BCKDHB: variants seen among roughly 807,000 people sequenced by gnomAD.
BCKDHB encodes the protein branched chain keto acid dehydrogenase E1 subunit beta.
BCKDHB carries 41 observed loss-of-function variants against 48.5 expected under a neutral mutation model. The ratio of observed to expected loss-of-function variants is 0.85; its 90% CI spans 0.66 to 1.10. The LOEUF (loss-of-function observed/expected upper bound fraction) is 1.10. BCKDHB is among the 50% of genes least tolerant of loss of function. The pLI is 0.00. For synonymous variants in BCKDHB, 201 were observed against 174.8 expected (o/e 1.15, Z -1.18); for missense variants, 496 against 494.2 (o/e 1.00, Z -0.03).
intron 9 of BCKDHB, among the ~76,000 whole-genome samples, chr6:80,276,225 T>C (rs1201272969): frequency 6.6e-6 from 1 of 151,994 alleles, no homozygotes; most frequent in Non-Finnish European, 1.5e-5. Flanking sequence ...TTTTAAAAGC[T>C]CATGGTTAAT....
At chr6:80,207,956 A>G (rs1306427707) in intron 8 of BCKDHB, among the ~76,000 whole-genome samples, 2 of 151,850 alleles carry the variant, frequency 1.3e-5, no homozygotes, top group Non-Finnish European at 3.0e-5. Context: ...TTGCTTAATC[A>G]AGCAGACAAA....
chr6:80,396,854 C>T, the BCKDHB span, among the ~76,000 whole-genome samples: 5,156 of 152,260 alleles, frequency 0.034, 151 homozygotes, highest in Middle Eastern at 0.061. Flanking sequence ...ATCAATTAAA[C>T]CTCTTTTCAT....
chr6:80,453,882 T>C, the BCKDHB span, among the ~76,000 whole-genome samples: 1 of 152,176 alleles, frequency 6.6e-6, no homozygotes, highest in Non-Finnish European at 1.5e-5. Flanking sequence ...TCCATTTTCA[T>C]TCTCTTCTTC....
intron 8 of BCKDHB, among the ~76,000 whole-genome samples, chr6:80,230,791 G>C (rs1775894895): frequency 6.6e-6 from 1 of 152,082 alleles, no homozygotes; most frequent in African/African-American, 2.4e-5. Flanking sequence ...AGAAGGAAGG[G>C]GGCCAAATTC....
At chr6:80,119,320 C>CT (rs932758904) in intron 1 of BCKDHB, among the ~76,000 whole-genome samples, 2 of 151,930 alleles carry the variant, frequency 1.3e-5, no homozygotes, top group Non-Finnish European at 2.9e-5. Flanking sequence ...ATGTTGACTT[C>CT]TTTTTTACTG....
chr6:80,172,676 G>A (rs189851074), intron 6 of BCKDHB, among the ~76,000 whole-genome samples: 75 of 152,052 alleles, frequency 4.9e-4, no homozygotes, highest in Admixed American at 1.3e-3. Context: ...TTAATAAGTA[G>A]CATTTCATTG....
the BCKDHB span, among the ~76,000 whole-genome samples, chr6:80,365,760 A>G: frequency 1.3e-4 from 20 of 151,324 alleles, no homozygotes; most frequent in African/African-American, 4.6e-4. Flanking sequence ...GATTAAAGTA[A>G]AGAGAGACGT....
At chr6:80,355,597 T>G in the BCKDHB span, 1 of 152,078 alleles carries the variant, frequency 6.6e-6, no homozygotes, top group Non-Finnish European at 1.5e-5. Context: ...TTTCCTAGTC[T>G]TCCCTAACCC....
At chr6:80,286,072 G>A (rs900653121) in intron 9 of BCKDHB, among the ~76,000 whole-genome samples, 2 of 151,996 alleles carry the variant, frequency 1.3e-5, no homozygotes, top group African/African-American at 4.8e-5. Context: ...AATTAAATGA[G>A]GTGTGATATA....
the BCKDHB span, chr6:80,454,304 C>G: frequency 6.6e-6 from 1 of 152,204 alleles, no homozygotes; most frequent in Non-Finnish European, 1.5e-5. Flanking sequence ...GAGAGCAAAA[C>G]TTCACAATCA....
At chr6:80,203,502 T>C (rs1381515563) in intron 8 of BCKDHB, among the ~76,000 whole-genome samples, 1 of 152,120 alleles carries the variant, frequency 6.6e-6, no homozygotes, top group African/African-American at 2.4e-5. Context: ...ATAGAGCATA[T>C]CAAGGATGCC....
chr6:80,237,853 C>T (rs894662109), intron 8 of BCKDHB, among the ~76,000 whole-genome samples: 2 of 151,940 alleles, frequency 1.3e-5, no homozygotes, highest in African/African-American at 4.8e-5. Context: ...AAGGTTCAGG[C>T]CATCCCTATC....
At chr6:80,290,227 G>T (rs1039651464) in intron 9 of BCKDHB, among the ~76,000 whole-genome samples, 1 of 152,192 alleles carries the variant, frequency 6.6e-6, no homozygotes, top group Non-Finnish European at 1.5e-5. Context: ...GGTAGAAGGG[G>T]GCAAGATCTT....
At chr6:80,150,153 C>G (rs950185899) in intron 3 of BCKDHB, among the ~76,000 whole-genome samples, 1 of 152,122 alleles carries the variant, frequency 6.6e-6, no homozygotes, top group African/African-American at 2.4e-5. Flanking sequence ...AGAAGGCCCT[C>G]TCTTTCCACT....
chr6:80,141,043 G>A (rs910515084), intron 3 of BCKDHB, among the ~76,000 whole-genome samples: 7 of 152,108 alleles, frequency 4.6e-5, no homozygotes, highest in Admixed American at 1.3e-4. Context: ...GAGAGTGTAC[G>A]TGTCCAGGAA....
chr6:80,411,322 C>A, the BCKDHB span, among the ~76,000 whole-genome samples: 9 of 152,192 alleles, frequency 5.9e-5, no homozygotes, highest in Non-Finnish European at 1.3e-4. Context: ...CTGCCTGATC[C>A]TTCCTCTGGA....
intron 9 of BCKDHB, among the ~76,000 whole-genome samples, chr6:80,341,779 T>A (rs763425838): frequency 1.8e-4 from 28 of 151,970 alleles, no homozygotes; most frequent in African/African-American, 5.8e-4. Flanking sequence ...TTATGAAGAG[T>A]TCAGTATTCA....
chr6:80,110,165 GTGT>G (rs1286949475), intron 1 of BCKDHB, among the ~76,000 whole-genome samples: 5 of 152,170 alleles, frequency 3.3e-5, no homozygotes, highest in Admixed American at 2.6e-4. Context: ...TTATTACACT[GTGT>G]TGTTCTCTGA....
chr6:80,113,791 G>A (rs137889712), intron 1 of BCKDHB, among the ~76,000 whole-genome samples: 1 of 152,304 alleles, frequency 6.6e-6, no homozygotes, highest in East Asian at 1.9e-4. Context: ...GAGCCGGCTG[G>A]AGCAAGTGGC....
Sources: allele counts gnomAD v4.1 joint callset (sites outside exome capture counted in the v4.1 genomes callset), GRCh38; gene constraint gnomAD v4.1.1; transcripts MANE v1.5; gene names NCBI Gene and HGNC (gene_info 2026-07-23, HGNC 2026-07-21).